The following ADGRD1 variants were observed in gnomAD, a reference collection of about 807,000 sequenced individuals.
The protein encoded by ADGRD1 is adhesion G protein-coupled receptor D1, also known as G-protein coupled receptor 133.
ADGRD1 carries 77 observed loss-of-function variants against 113.4 expected under a neutral mutation model. The observed-to-expected ratio is 0.68, with a 90% confidence interval of 0.57 to 0.82. ADGRD1 has a LOEUF of 0.82. Ranked by LOEUF, ADGRD1 falls within the 40% of genes least tolerant of loss-of-function variation. The probability of loss-of-function intolerance (pLI) is 0.00; values close to 1 mark genes in which losing one functional copy is unlikely to be tolerated. For missense variants in ADGRD1, 1,036 were observed against 1,139.1 expected (o/e 0.91, Z 1.30); for synonymous variants, 474 against 475.0 (o/e 1.00, Z 0.03).
At chr12:131,115,703 G>T (rs1030716150) in intron 18 of ADGRD1, among the ~76,000 whole-genome samples, 1 of 152,186 alleles carries the variant, frequency 6.6e-6, no homozygotes, top group Non-Finnish European at 1.5e-5. Flanking sequence ...ACTTCACATT[G>T]TCCGCAGAAG....
intron 2 of ADGRD1, among the ~76,000 whole-genome samples, chr12:130,959,126 A>G (rs1870048543): frequency 6.6e-6 from 1 of 152,216 alleles, no homozygotes; most frequent in African/African-American, 2.4e-5. Flanking sequence ...TCCAGTATAG[A>G]GCGAGAGCCT....
rs529846982 is a variant in ADGRD1, at chr12:131,050,577, C to T, written c.1474-26224C>T. Among the ~76,000 whole-genome samples, 8 of 152,168 alleles carry T rather than the reference C, an allele frequency of 5.3e-5. No individual in the cohort carries two copies. Among genetic ancestry groups the T allele is most frequent in the South Asian group, 4.2e-4 (2 of 4,800 alleles). On this transcript the variant is annotated intron_variant, in intron 13 of 24. Transcript: ENST00000261654. The surrounding 1 kb of genome is among the most constrained non-coding windows in gnomAD (Gnocchi z 4.8). Reference sequence around the variant, plus strand: ...GGCAGAAGGTGGAGGGAACCAGGCACGTCTTACATGGGCAGATCAAGAGAG... The same window carrying T: ...GGCAGAAGGTGGAGGGAACCAGGCATGTCTTACATGGGCAGATCAAGAGAG...
intron 13 of ADGRD1, among the ~76,000 whole-genome samples, chr12:131,038,906 G>C (rs78816954): frequency 0.026 from 3,964 of 152,346 alleles, 168 homozygotes; most frequent in African/African-American, 0.091. Flanking sequence ...TAGGTCGCAG[G>C]CCGACACCTG....
chr12:130,955,168 T>C (rs891151653), intron 2 of ADGRD1, among the ~76,000 whole-genome samples: 2 of 135,058 alleles, frequency 1.5e-5, no homozygotes, highest in African/African-American at 5.8e-5. Flanking sequence ...TTTCACTATG[T>C]TGGCCAGGCT....
chr12:131,009,740 T>C (rs1234299860), intron 12 of ADGRD1, among the ~76,000 whole-genome samples: 1 of 152,152 alleles, frequency 6.6e-6, no homozygotes, highest in Non-Finnish European at 1.5e-5. Flanking sequence ...TTGTGTGTGC[T>C]GTGGGCATGC....
chr12:131,116,249 A>G (rs2137390016), intron 18 of ADGRD1, among the ~76,000 whole-genome samples: 1 of 152,262 alleles, frequency 6.6e-6, no homozygotes, highest in Admixed American at 6.5e-5. Flanking sequence ...AGGAGCTCAC[A>G]TAGGGAAACT....
At chr12:131,123,038 A>AGTT (rs1950637250) in intron 20 of ADGRD1, among the ~76,000 whole-genome samples, 17 of 35,374 alleles carry the variant, frequency 4.8e-4, no homozygotes, top group South Asian at 1.0e-3. Flanking sequence ...TTACCTGGGG[A>AGTT]GTTTTTTTTT....
chr12:131,095,205 A>C (rs1887198073), intron 15 of ADGRD1, among the ~76,000 whole-genome samples: 1 of 152,236 alleles, frequency 6.6e-6, no homozygotes, highest in Non-Finnish European at 1.5e-5. Context: ...GTGGAGCAGC[A>C]GCCAGTTGCT....
At chr12:131,065,007 C>T (rs1030064291) in intron 13 of ADGRD1, among the ~76,000 whole-genome samples, 3 of 152,216 alleles carry the variant, frequency 2.0e-5, no homozygotes, top group African/African-American at 7.2e-5. Flanking sequence ...TCTCAGCCCT[C>T]ATTCATCAGA....
intron 20 of ADGRD1, among the ~76,000 whole-genome samples, chr12:131,123,055 T>TG (rs1950640430): frequency 1.7e-5 from 2 of 115,422 alleles, no homozygotes; most frequent in Non-Finnish European, 3.8e-5. Context: ...TTTTTTTTTT[T>TG]TTTTTTTTTT....
intron 15 of ADGRD1, among the ~76,000 whole-genome samples, chr12:131,101,377 CTTTTTTTTTTTTT>C (rs71095334): frequency 1.7e-4 from 6 of 36,132 alleles, no homozygotes; most frequent in Non-Finnish European, 2.0e-4. Context: ...TTCTTTCTTT[CTTTTTTTTTTTTT>C]TTTTTTTTTT....
At position 131,113,466 on chromosome 12, in the gene ADGRD1, CACTG is replaced by C. The variant is rs1210695374; in HGVS notation, c.2041+4592_2041+4595del. On this transcript the variant is annotated intron_variant, in intron 18 of 24. Transcript: ENST00000261654. This position sits in a 1 kb window ranked among gnomAD's most constrained non-coding sequence, Gnocchi z 4.9. ...TAGCATTCTCGCAGTTGTTGTAAAA[CACTG>C]ACCAGACATGAGGGACCTGCTACTT... Among the ~76,000 whole-genome samples, 2 of 152,186 alleles carry C rather than the reference CACTG, an allele frequency of 1.3e-5. No homozygotes were observed. Among genetic ancestry groups the C allele is most frequent in the African/African-American group, 4.8e-5 (2 of 41,450 alleles).
At chr12:131,088,168 A>C (rs1886627964) in intron 15 of ADGRD1, among the ~76,000 whole-genome samples, 1 of 152,076 alleles carries the variant, frequency 6.6e-6, no homozygotes, top group South Asian at 2.1e-4. Context: ...GCTGTGGCCA[A>C]GGCTGCTCGT....
At position 131,125,011 on chromosome 12, in the gene ADGRD1, A is replaced by G. The variant is rs112749790; in HGVS notation, c.2175+4098A>G. Among the ~76,000 whole-genome samples, 600 of 152,194 alleles carry G rather than the reference A, an allele frequency of 3.9e-3. 5 individuals carry two copies. The highest frequency in any genetic ancestry group is 0.014 in the African/African-American group (572 of 41,512). On this transcript the variant is annotated intron_variant, in intron 20 of 24. Coordinates refer to ENST00000261654, the MANE Select transcript of ADGRD1 (RefSeq NM_198827.5). ...TGGTTCTCCCGAGGCCTCTCTCCTT[A>G]GCTTGTAGATAACTGTCTTTTCCCT...
chr12:131,015,787 G>A (rs956877927), intron 13 of ADGRD1, among the ~76,000 whole-genome samples: 1 of 152,160 alleles, frequency 6.6e-6, no homozygotes, highest in African/African-American at 2.4e-5. Context: ...CTCCTTCCCA[G>A]TGACTTCTCA....
rs189722591 is a variant in ADGRD1 at position 131,122,813 on chromosome 12, G to C, written c.2175+1900G>C. 6.2e-3 allele frequency among the ~76,000 whole-genome samples: 937 copies of C among 152,258 alleles called. 13 individuals carry two copies. Among genetic ancestry groups the C allele is most frequent in the Non-Finnish European group, 0.011 (762 of 68,014 alleles). ...CGTGGTCAGTGACAGCTGGGGTTCC[G>C]AGGTGGCTCTGCCTGGCTCCTTCAC... On this transcript the variant is annotated intron_variant, in intron 20 of 24. Transcript: ENST00000261654.
At chr12:131,008,481 C>T (rs1036116599) in intron 12 of ADGRD1, among the ~76,000 whole-genome samples, 1 of 152,174 alleles carries the variant, frequency 6.6e-6, no homozygotes, top group Non-Finnish European at 1.5e-5. Context: ...TAAGTCAGTA[C>T]GTGAGTCTCA....
At chr12:131,005,568 G>A (rs1201118390) in intron 11 of ADGRD1, among the ~76,000 whole-genome samples, 3 of 152,064 alleles carry the variant, frequency 2.0e-5, no homozygotes, top group Admixed American at 2.0e-4. Context: ...GGATGCACTC[G>A]TGGGGCAAGG....
At chr12:131,049,327 C>T (rs1340423233) in intron 13 of ADGRD1, among the ~76,000 whole-genome samples, 1 of 152,190 alleles carries the variant, frequency 6.6e-6, no homozygotes, top group Non-Finnish European at 1.5e-5. Context: ...GCCCTGATAC[C>T]CGTCCTCTGC....
Sources: allele counts gnomAD v4.1 joint callset (sites outside exome capture counted in the v4.1 genomes callset), GRCh38; gene constraint gnomAD v4.1.1; non-coding constraint Gnocchi (gnomAD v3.1); transcripts MANE v1.5; gene names NCBI Gene and HGNC (gene_info 2026-07-23, HGNC 2026-07-21).